The following THSD7A variants were observed in gnomAD, a reference collection of about 807,000 sequenced individuals.
THSD7A encodes thrombospondin type-1 domain-containing protein 7A.
Under a neutral mutation model 231.3 loss-of-function variants are expected in THSD7A, and 96 were observed. The observed-to-expected ratio is 0.41, with a 90% CI of 0.35 to 0.49. The LOEUF is 0.49. Among genes scored for constraint, THSD7A ranks in the 20% least tolerant of loss-of-function variants. The pLI is 0.05. For synonymous variants in THSD7A, 940 were observed against 743.3 expected (o/e 1.26, Z -4.30); for missense variants, 2,290 against 2,070.2 (o/e 1.11, Z -2.06).
chr7:11,524,379 G>T (rs1056685045), intron 6 of THSD7A, among the ~76,000 whole-genome samples: 114 of 152,196 alleles, frequency 7.5e-4, no homozygotes, highest in African/African-American at 2.6e-3. Context: ...GTATCTTTTT[G>T]ACTGCTTCAG....
chr7:11,505,399 C>A (rs1787503472), intron 6 of THSD7A, among the ~76,000 whole-genome samples: 1 of 151,654 alleles, frequency 6.6e-6, no homozygotes, highest in African/African-American at 2.4e-5. Flanking sequence ...TTAAAAGAAC[C>A]CTCAGCTACA....
intron 1 of THSD7A, among the ~76,000 whole-genome samples, chr7:11,738,363 A>G (rs1781986765): frequency 1.3e-5 from 2 of 152,020 alleles, no homozygotes; most frequent in African/African-American, 4.8e-5. Flanking sequence ...TTTTATTCAT[A>G]ATAGTTCTTA....
At chr7:11,676,336 CCAA>C (rs1321766471) in intron 1 of THSD7A, among the ~76,000 whole-genome samples, 5 of 152,114 alleles carry the variant, frequency 3.3e-5, no homozygotes, top group African/African-American at 1.2e-4. Context: ...GCTGAAAATG[CCAA>C]CAACAAGAAT....
intron 6 of THSD7A, among the ~76,000 whole-genome samples, chr7:11,529,258 AT>A (rs1788604134): frequency 6.6e-6 from 1 of 152,198 alleles, no homozygotes; most frequent in East Asian, 1.9e-4. Context: ...TTATTATAGA[AT>A]TTTATTATAT....
At chr7:11,787,925 C>G (rs1257737942) in intron 1 of THSD7A, among the ~76,000 whole-genome samples, 1 of 152,062 alleles carries the variant, frequency 6.6e-6, no homozygotes, top group Non-Finnish European at 1.5e-5. Context: ...ACCAATTTCT[C>G]CAAACCTGAC....
rs1273862835 is a variant in THSD7A at position 11,820,340 on chromosome 7, T to A, written c.190+11417A>T. Reference sequence around the variant, plus strand: ...CCCTACTCGGTTGTGGGCTGTAAATTGTCCTTCTCTTCTCTGTTCTCTGTC... The same window carrying A: ...CCCTACTCGGTTGTGGGCTGTAAATAGTCCTTCTCTTCTCTGTTCTCTGTC... On this transcript the variant is annotated intron_variant, in intron 1 of 27. Transcript: ENST00000423059. The A allele has an allele frequency of 4.2e-6, 4 of 963,794 alleles. No individual in the cohort carries two copies. The Admixed American group carries it at 1.4e-4, about 34-fold the overall frequency. 59.7% of individuals were successfully genotyped at this position (963,794 alleles called of 1,614,324 possible).
At chr7:11,644,854 C>T (rs557631778) in intron 1 of THSD7A, among the ~76,000 whole-genome samples, 3 of 151,898 alleles carry the variant, frequency 2.0e-5, no homozygotes, top group African/African-American at 7.2e-5. Flanking sequence ...AGCTAAGTAC[C>T]AATAGTATGA....
chr7:11,566,047 T>TA (rs35310582), intron 4 of THSD7A, among the ~76,000 whole-genome samples: 34,774 of 152,046 alleles, frequency 0.23, 4,514 homozygotes, highest in Admixed American at 0.41. Flanking sequence ...CAAGGCTCCT[T>TA]AAAAAAATAG....
At chr7:11,669,552 T>C (rs1198155217) in intron 1 of THSD7A, among the ~76,000 whole-genome samples, 1 of 151,950 alleles carries the variant, frequency 6.6e-6, no homozygotes, top group Non-Finnish European at 1.5e-5. Context: ...TTTGGGGAAT[T>C]AGAGAAAATT....
intron 1 of THSD7A, chr7:11,820,558 T>C (rs1055829267): frequency 1.4e-6 from 1 of 714,084 alleles, no homozygotes; most frequent in African/African-American, 1.8e-5. Context: ...AAATCATTGT[T>C]ACTCTTGTTA....
At chr7:11,392,609 G>C (rs992124984) in intron 23 of THSD7A, among the ~76,000 whole-genome samples, 5 of 152,194 alleles carry the variant, frequency 3.3e-5, no homozygotes, top group Admixed American at 3.3e-4. Context: ...CCCCCACAGA[G>C]CTCAGCAAGC....
At chr7:11,518,598 A>C (rs956467739) in intron 6 of THSD7A, among the ~76,000 whole-genome samples, 2 of 150,064 alleles carry the variant, frequency 1.3e-5, no homozygotes, top group Non-Finnish European at 3.0e-5. Context: ...ATAAAATAGA[A>C]ACACACACAC....
chr7:11,574,773 T>C (rs1382767871), intron 4 of THSD7A, among the ~76,000 whole-genome samples: 1 of 152,146 alleles, frequency 6.6e-6, no homozygotes, highest in Non-Finnish European at 1.5e-5. Context: ...TGCAGTTTTA[T>C]TGTCATTAAA....
chr7:11,533,634 A>C (rs1217431250), intron 6 of THSD7A, among the ~76,000 whole-genome samples: 1 of 152,180 alleles, frequency 6.6e-6, no homozygotes, highest in East Asian at 1.9e-4. Context: ...GCAAATAAAC[A>C]CAGGAAGATA....
intron 1 of THSD7A, among the ~76,000 whole-genome samples, chr7:11,682,455 C>T (rs1406926770): frequency 1.3e-5 from 2 of 152,122 alleles, no homozygotes; most frequent in African/African-American, 4.8e-5. Flanking sequence ...GTCACTATTC[C>T]TGTATCAGAT....
intron 17 of THSD7A, among the ~76,000 whole-genome samples, chr7:11,414,968 C>A (rs1385168961): frequency 6.6e-6 from 1 of 152,180 alleles, no homozygotes; most frequent in Non-Finnish European, 1.5e-5. Context: ...AGTGAAGAAA[C>A]AATGTGAGTT....
chr7:11,460,580 T>G, intron 11 of THSD7A, 82 bp downstream of exon 11: 1 of 1,064,108 alleles, frequency 9.4e-7, no homozygotes. Flanking sequence ...TTGCTAAGCA[T>G]GGTGTCCAAG....
intron 9 of THSD7A, among the ~76,000 whole-genome samples, chr7:11,469,254 C>T (rs907065140): frequency 1.3e-5 from 2 of 152,086 alleles, no homozygotes; most frequent in African/African-American, 4.8e-5. Context: ...ATACCTTTCT[C>T]ATCAGCAATG....
At chr7:11,794,650 T>C (rs970378377) in intron 1 of THSD7A, among the ~76,000 whole-genome samples, 1 of 152,000 alleles carries the variant, frequency 6.6e-6, no homozygotes, top group Non-Finnish European at 1.5e-5. Context: ...TAAGCTTTAA[T>C]ATCATCGCCT....
Sources: allele counts gnomAD v4.1 joint callset (sites outside exome capture counted in the v4.1 genomes callset), GRCh38; gene constraint gnomAD v4.1.1; transcripts MANE v1.5; gene names NCBI Gene and HGNC (gene_info 2026-07-23, HGNC 2026-07-21).